The following SPSB4 variants were observed in gnomAD, a reference collection of about 807,000 sequenced individuals.
SPSB4 encodes the protein SPRY domain-containing SOCS box protein 4.
Under a neutral mutation model 20.9 loss-of-function variants are expected in SPSB4, and 21 were observed. The ratio of observed to expected loss-of-function variants is 1.01; its 90% CI spans 0.71 to 1.45. The LOEUF (loss-of-function observed/expected upper bound fraction) is 1.45, where lower values mean the gene tolerates loss of function less well. SPSB4 is among the 40% of genes most tolerant of loss of function. The pLI, the probability that SPSB4 is intolerant of heterozygous loss-of-function variation, is 0.00. For missense variants in SPSB4, 399 were observed against 399.2 expected (o/e 1.00, Z 0.00); for synonymous variants, 207 against 183.8 (o/e 1.13, Z -1.02).
At chr3:141,131,527 C>T (rs148073330) in intron 2 of SPSB4, among the ~76,000 whole-genome samples, 3 of 151,616 alleles carry the variant, frequency 2.0e-5, no homozygotes, top group Non-Finnish European at 4.4e-5. Flanking sequence ...CCCATCACTA[C>T]TCCCTTAAGG....
intron 2 of SPSB4, among the ~76,000 whole-genome samples, chr3:141,141,423 C>T (rs763202692): frequency 2.2e-4 from 34 of 152,226 alleles, no homozygotes; most frequent in Non-Finnish European, 4.1e-4. Context: ...CTGCATCGCT[C>T]ACGCTGGGAG....
At chr3:141,106,194 T>G (rs1436500372) in intron 2 of SPSB4, among the ~76,000 whole-genome samples, 2 of 152,228 alleles carry the variant, frequency 1.3e-5, no homozygotes, top group Non-Finnish European at 1.5e-5. Flanking sequence ...CCGTTTTAAC[T>G]TGGACATTCC....
At chr3:141,132,152 C>A in intron 2 of SPSB4, 1 of 421,596 alleles carries the variant, frequency 2.4e-6, no homozygotes, top group Non-Finnish European at 4.7e-6. Flanking sequence ...TCCCCCAGGT[C>A]CCTAAAGTCC....
At chr3:141,082,748 C>T (rs2107787581) in intron 2 of SPSB4, among the ~76,000 whole-genome samples, 1 of 152,266 alleles carries the variant, frequency 6.6e-6, no homozygotes, top group South Asian at 2.1e-4. Flanking sequence ...CTGTGAACGG[C>T]TGAAAGGTTT....
intron 2 of SPSB4, among the ~76,000 whole-genome samples, chr3:141,119,134 C>A (rs957660927): frequency 6.6e-6 from 1 of 152,136 alleles, no homozygotes; most frequent in Non-Finnish European, 1.5e-5. Context: ...ATGGAATGTT[C>A]TTCCATTTGT....
chr3:141,072,016 C>T (rs763009795), intron 2 of SPSB4, among the ~76,000 whole-genome samples: 3 of 152,224 alleles, frequency 2.0e-5, no homozygotes, highest in Non-Finnish European at 4.4e-5. Flanking sequence ...GTGCATCTCC[C>T]GGGGTAGTGA....
intron 1 of SPSB4, among the ~76,000 whole-genome samples, chr3:141,054,879 G>A (rs942975071): frequency 1.3e-5 from 2 of 152,064 alleles, no homozygotes; most frequent in Non-Finnish European, 2.9e-5. Flanking sequence ...GCAGGAGAAT[G>A]GCATGAACCT....
At chr3:141,102,944 G>T (rs1938634494) in intron 2 of SPSB4, among the ~76,000 whole-genome samples, 1 of 152,098 alleles carries the variant, frequency 6.6e-6, no homozygotes, top group African/African-American at 2.4e-5. Flanking sequence ...TGGACTCCAG[G>T]ACTCCCCTCT....
intron 1 of SPSB4, among the ~76,000 whole-genome samples, chr3:141,065,194 C>T (rs1937840368): frequency 1.3e-5 from 2 of 152,180 alleles, no homozygotes; most frequent in South Asian, 4.1e-4. Flanking sequence ...TTCTGTCTGG[C>T]TCCAGAGCCT....
intron 2 of SPSB4, among the ~76,000 whole-genome samples, chr3:141,104,002 C>T (rs1576532081): frequency 6.6e-6 from 1 of 152,212 alleles, no homozygotes. Context: ...CAAATTCACT[C>T]ATGTTGAGAA....
chr3:141,140,715 G>T (rs917493558), intron 2 of SPSB4, among the ~76,000 whole-genome samples: 1 of 152,184 alleles, frequency 6.6e-6, no homozygotes, highest in Non-Finnish European at 1.5e-5. Flanking sequence ...GGAGTACCCG[G>T]CCGTGTGAGG....
intron 2 of SPSB4, among the ~76,000 whole-genome samples, chr3:141,118,213 G>A (rs986325025): frequency 6.6e-6 from 1 of 152,188 alleles, no homozygotes; most frequent in African/African-American, 2.4e-5. Context: ...GTATCTCATT[G>A]TGGTTTTGAT....
At chr3:141,122,927 G>T (rs1237161341) in intron 2 of SPSB4, among the ~76,000 whole-genome samples, 1 of 152,180 alleles carries the variant, frequency 6.6e-6, no homozygotes, top group South Asian at 2.1e-4. Flanking sequence ...TCCTGCTTCC[G>T]CTTGCCCTCC....
At chr3:141,086,383 G>A (rs1938339781) in intron 2 of SPSB4, among the ~76,000 whole-genome samples, 1 of 152,192 alleles carries the variant, frequency 6.6e-6, no homozygotes, top group Non-Finnish European at 1.5e-5. Flanking sequence ...CTTGCTTGCT[G>A]TGTGATCCTG....
intron 2 of SPSB4, among the ~76,000 whole-genome samples, chr3:141,103,040 G>A (rs1311167902): frequency 1.3e-5 from 2 of 152,158 alleles, no homozygotes; most frequent in African/African-American, 2.4e-5. Context: ...AAGTGGCCGC[G>A]CCTGTCCTGG....
intron 2 of SPSB4, among the ~76,000 whole-genome samples, chr3:141,134,390 G>A (rs993675704): frequency 4.6e-5 from 7 of 152,140 alleles, no homozygotes; most frequent in Middle Eastern, 3.4e-3. Flanking sequence ...TCCTTGTCTC[G>A]TTCTAGTTCT....
intron 2 of SPSB4, among the ~76,000 whole-genome samples, chr3:141,096,836 C>T (rs1401489695): frequency 6.6e-6 from 1 of 152,138 alleles, no homozygotes; most frequent in African/African-American, 2.4e-5. Flanking sequence ...AATAAATTCA[C>T]CATATGTCTC....
At chr3:141,117,919 T>C (rs933686067) in intron 2 of SPSB4, among the ~76,000 whole-genome samples, 2 of 152,266 alleles carry the variant, frequency 1.3e-5, no homozygotes, top group Admixed American at 6.5e-5. Context: ...AACATTTGGA[T>C]TGGTTCCAAG....
chr3:141,076,793 A>G (rs1261841392), intron 2 of SPSB4, among the ~76,000 whole-genome samples: 2 of 152,202 alleles, frequency 1.3e-5, no homozygotes, highest in African/African-American at 4.8e-5. Flanking sequence ...TGTGCTTAAC[A>G]AGAGTTTACT....
Sources: allele counts gnomAD v4.1 joint callset (sites outside exome capture counted in the v4.1 genomes callset), GRCh38; gene constraint gnomAD v4.1.1; transcripts MANE v1.5; gene names NCBI Gene and HGNC (gene_info 2026-07-23, HGNC 2026-07-21).